Variants in KIT observed in about 807,000 individuals in gnomAD.
KIT encodes KIT proto-oncogene, receptor tyrosine kinase.
KIT carries 16 observed loss-of-function variants against 105.7 expected under a neutral mutation model. That is an observed-to-expected ratio of 0.15 (90% CI 0.10 to 0.23). The LOEUF (loss-of-function observed/expected upper bound fraction) is 0.23, where lower values mean the gene tolerates loss of function less well. Among genes scored for constraint, KIT ranks in the 10% least tolerant of loss-of-function variants. The pLI, the probability that KIT is intolerant of heterozygous loss-of-function variation, is 1.00. For missense variants in KIT, 858 were observed against 1,213.8 expected, an observed-to-expected ratio of 0.71 and a Z score of 4.36; for synonymous variants, 438 against 441.1, an observed-to-expected ratio of 0.99 and a Z score of 0.09.
chr4:54,661,821 G>A (rs1468378524), intron 1 of KIT, among the ~76,000 whole-genome samples: 1 of 152,210 alleles, frequency 6.6e-6, no homozygotes, highest in Non-Finnish European at 1.5e-5. Context: ...GTTGTACTTA[G>A]AGAGGAATTG....
intron 1 of KIT, among the ~76,000 whole-genome samples, chr4:54,678,295 T>TCCTA (rs2109594144): frequency 3.4e-5 from 1 of 29,512 alleles, no homozygotes; most frequent in East Asian, 8.7e-4. Flanking sequence ...GCTCGCTCCT[T>TCCTA]CCTTCCTTCC....
At chr4:54,716,899 C>T (rs1340594377) in intron 7 of KIT, among the ~76,000 whole-genome samples, 1 of 152,110 alleles carries the variant, frequency 6.6e-6, no homozygotes. Flanking sequence ...CAGGACAGTT[C>T]TAAATTAAGG....
At position 54,733,103 on chromosome 4, in the gene KIT, C is replaced by T. The variant is rs2109801272; in HGVS notation, c.2395C>T (p.Leu799Phe). ...CAGAGACTTGGCAGCCAGAAATATC[C>T]TCCTTACTCATGGTCGGATCACAAA... ...IHRDLAARNI[L>F]LTHGRITKIC... is the part of the protein sequence containing the mutation. Residue 799 changes from leucine to phenylalanine, a missense_variant, in exon 17 of 21, where the codon CTC becomes TTC. By Grantham distance (22) the Leu-to-Phe change is conservative (BLOSUM62 0). Coordinates refer to ENST00000288135, the MANE Select transcript of KIT (RefSeq NM_000222.3). 2 of 1,611,880 alleles carry T rather than the reference C, an allele frequency of 1.2e-6. No individual in the cohort carries two copies. The highest frequency in any genetic ancestry group is 1.7e-6 in the Non-Finnish European group (2 of 1,178,166).
chr4:54,730,572 T>C (rs984067747), intron 14 of KIT, among the ~76,000 whole-genome samples: 4 of 152,148 alleles, frequency 2.6e-5, no homozygotes, highest in African/African-American at 9.7e-5. Flanking sequence ...GTGCTCATTA[T>C]ATGAAGAAAT....
In KIT at chr4:54,731,942, T is replaced by A. The variant is rs2109795629; in HGVS notation, c.2305T>A (p.Leu769Met). 1.9e-6 allele frequency: 3 copies of A among 1,613,834 alleles called. No homozygotes were observed. The highest frequency in any genetic ancestry group is 2.5e-6 in the Non-Finnish European group (3 of 1,179,802). ...DDELALDLED[L>M]LSFSYQVAKG... is the part of the protein sequence containing the mutation. ...CGAGTTGGCCCTAGACTTAGAAGAC[T>A]TGCTGAGCTTTTCTTACCAGGTGGC... Residue 769 changes from leucine to methionine, a missense_variant, in exon 16 of 21, where the codon TTG becomes ATG. This residue lies in a region of KIT where 158 missense variants were observed against 218.7 expected (regional missense o/e 0.72). Transcript: ENST00000288135.
At chr4:54,676,494 AAGAT>A (rs1718478470) in intron 1 of KIT, among the ~76,000 whole-genome samples, 1 of 152,198 alleles carries the variant, frequency 6.6e-6, no homozygotes, top group South Asian at 2.1e-4. Flanking sequence ...CAGACTAAGA[AAGAT>A]AGATATGAGT....
chr4:54,699,899 G>A, intron 4 of KIT, 133 bp downstream of exon 4: 1 of 901,386 alleles, frequency 1.1e-6, no homozygotes, highest in Non-Finnish European at 1.8e-6. Context: ...GGAGAGTGTT[G>A]GGATTGCATA....
intron 1 of KIT, among the ~76,000 whole-genome samples, chr4:54,660,360 C>G (rs949458949): frequency 6.6e-6 from 1 of 152,144 alleles, no homozygotes; most frequent in Non-Finnish European, 1.5e-5. Flanking sequence ...ATACCTTCCC[C>G]GTTTCGTTCC....
intron 5 of KIT, among the ~76,000 whole-genome samples, chr4:54,706,054 C>G (rs541198472): frequency 9.2e-5 from 14 of 151,862 alleles, no homozygotes; most frequent in Non-Finnish European, 7.4e-5. Flanking sequence ...ATTATATCAC[C>G]TTTTCTAAGG....
At chr4:54,695,043 A>C (rs1423679327) in intron 1 of KIT, among the ~76,000 whole-genome samples, 2 of 152,242 alleles carry the variant, frequency 1.3e-5, no homozygotes, top group Non-Finnish European at 2.9e-5. Context: ...GAAATAACTG[A>C]ATTCACACAG....
chr4:54,662,166 C>G (rs1020542088), intron 1 of KIT, among the ~76,000 whole-genome samples: 2 of 152,092 alleles, frequency 1.3e-5, no homozygotes, highest in African/African-American at 4.8e-5. Flanking sequence ...TCCTGCCATC[C>G]CTTAGGCATT....
chr4:54,712,798 C>A (rs1484315832), intron 7 of KIT, among the ~76,000 whole-genome samples: 1 of 152,258 alleles, frequency 6.6e-6, no homozygotes, highest in East Asian at 1.9e-4. Context: ...CCCAGCACTT[C>A]CTGAGGTCCC....
intron 4 of KIT, among the ~76,000 whole-genome samples, chr4:54,702,837 G>A (rs1720537412): frequency 6.6e-6 from 1 of 152,116 alleles, no homozygotes. Flanking sequence ...GTTTACCAAA[G>A]CCTCGCCAAG....
At chr4:54,736,006 A>T (rs1722903442) in intron 17 of KIT, among the ~76,000 whole-genome samples, 1 of 152,164 alleles carries the variant, frequency 6.6e-6, no homozygotes, top group African/African-American at 2.4e-5. Context: ...TGCCAGCTAT[A>T]TTGTAAGGAG....
intron 4 of KIT, 65 bp downstream of exon 4, chr4:54,699,831 A>T: frequency 6.3e-7 from 1 of 1,587,580 alleles, no homozygotes; most frequent in Non-Finnish European, 8.6e-7. Context: ...TTTCTCTTTC[A>T]GAAGAGTCTG....
intron 9 of KIT, among the ~76,000 whole-genome samples, chr4:54,726,314 A>G (rs1258742237): frequency 2.0e-5 from 3 of 152,196 alleles, no homozygotes; most frequent in African/African-American, 7.2e-5. Context: ...TGTCTCCATT[A>G]AAAAGAGCTA....
chr4:54,710,977 C>T (rs927739436), intron 7 of KIT, among the ~76,000 whole-genome samples: 63 of 152,252 alleles, frequency 4.1e-4, no homozygotes, highest in African/African-American at 1.5e-3. Context: ...ACTCCTAGGC[C>T]CAAGAGATCC....
At chr4:54,682,805 G>A (rs1033477416) in intron 1 of KIT, among the ~76,000 whole-genome samples, 3 of 150,252 alleles carry the variant, frequency 2.0e-5, no homozygotes, top group Non-Finnish European at 4.4e-5. Context: ...GAGCTGGAGT[G>A]CAGTGACGCA....
At chr4:54,704,255 G>C (rs865885138) in intron 5 of KIT, among the ~76,000 whole-genome samples, 8 of 152,204 alleles carry the variant, frequency 5.3e-5, no homozygotes, top group Admixed American at 2.6e-4. Flanking sequence ...CAAATGCTTA[G>C]AGCCTGAAGT....
Sources: allele counts gnomAD v4.1 joint callset (sites outside exome capture counted in the v4.1 genomes callset), GRCh38; gene constraint gnomAD v4.1.1; regional missense constraint gnomAD v4.1.1; transcripts MANE v1.5; gene names NCBI Gene and HGNC (gene_info 2026-07-23, HGNC 2026-07-21).